EPM2A: variants seen among roughly 807,000 people sequenced by gnomAD.
EPM2A encodes the protein EPM2A glucan phosphatase, laforin.
A neutral mutation model predicts 26.5 loss-of-function variants in EPM2A; 21 were observed. The ratio of observed to expected loss-of-function variants is 0.79; its 90% CI spans 0.56 to 1.14. The LOEUF (loss-of-function observed/expected upper bound fraction) is 1.14. EPM2A is among the 50% of genes most tolerant of loss of function. The pLI is 0.00. For missense variants in EPM2A, 458 were observed against 440.8 expected (o/e 1.04, Z -0.35); for synonymous variants, 217 against 177.6 (o/e 1.22, Z -1.76).
In EPM2A at chr6:145,626,578, C is replaced by CTGGGA. The variant is rs147291746; in HGVS notation, c.*837_*838insTCCCA. On this transcript the variant is annotated 3_prime_UTR_variant, in exon 4 of 4. Transcript: ENST00000367519. ...CCTGAGAAAGACAAAACTAAATGCACTACATGATGCTGGGAAAACAAGTTG... is the reference window on the plus strand; with the variant it reads ...CCTGAGAAAGACAAAACTAAATGCACTGGGATACATGATGCTGGGAAAACAAGTTG... The CTGGGA allele has an allele frequency of 1.2e-3, 1,139 of 985,752 alleles. 30 individuals carry two copies. The East Asian group carries it at 0.066, about 57-fold the overall frequency. 61.1% of individuals were successfully genotyped at this position (985,752 alleles called of 1,614,324 possible).
At chr6:145,564,337 G>A (rs1251953852) in intron 2 of EPM2A, among the ~76,000 whole-genome samples, 1 of 152,044 alleles carries the variant, frequency 6.6e-6, no homozygotes. Context: ...AAGAAAAATT[G>A]CAGACAAAAT....
At chr6:145,412,412 CA>C (rs1285398064) in intron 4 of EPM2A, among the ~76,000 whole-genome samples, 1 of 152,038 alleles carries the variant, frequency 6.6e-6, no homozygotes, top group Non-Finnish European at 1.5e-5. Context: ...TCTGAAATGT[CA>C]ATAGGCACCT....
At chr6:145,733,505 T>C (rs150641595) in intron 1 of EPM2A, among the ~76,000 whole-genome samples, 9 of 152,088 alleles carry the variant, frequency 5.9e-5, no homozygotes, top group Admixed American at 1.3e-4. Context: ...CCTTAAGAAA[T>C]AGCAACATAA....
chr6:145,705,843 A>C (rs1234614175), intron 1 of EPM2A: 1 of 456,344 alleles, frequency 2.2e-6, no homozygotes, highest in Non-Finnish European at 4.4e-6. Context: ...TCCCCTGGGG[A>C]GAGGACATGG....
At chr6:145,463,651 T>C (rs1779353401) in intron 4 of EPM2A, among the ~76,000 whole-genome samples, 1 of 152,126 alleles carries the variant, frequency 6.6e-6, no homozygotes, top group Non-Finnish European at 1.5e-5. Flanking sequence ...ACAGTACAAA[T>C]ATACTGCAGT....
At chr6:145,548,979 A>G (rs1780619366) in intron 2 of EPM2A, among the ~76,000 whole-genome samples, 1 of 152,124 alleles carries the variant, frequency 6.6e-6, no homozygotes, top group Non-Finnish European at 1.5e-5. Flanking sequence ...GTGTGTAGCT[A>G]GTTGAATTAT....
chr6:145,396,188 C>A (rs777045442), intron 4 of EPM2A, among the ~76,000 whole-genome samples: 49 of 152,266 alleles, frequency 3.2e-4, no homozygotes, highest in Non-Finnish European at 5.9e-4. Flanking sequence ...ACAGCAAAGA[C>A]AATTACCTAA....
At chr6:145,440,721 G>C (rs1411117145) in intron 4 of EPM2A, among the ~76,000 whole-genome samples, 1 of 152,204 alleles carries the variant, frequency 6.6e-6, no homozygotes, top group Non-Finnish European at 1.5e-5. Flanking sequence ...ATCCAGTGGG[G>C]CAGTCAAATC....
chr6:145,618,529 A>C (rs946465671), intron 2 of EPM2A, among the ~76,000 whole-genome samples: 1 of 152,172 alleles, frequency 6.6e-6, no homozygotes, highest in Non-Finnish European at 1.5e-5. Flanking sequence ...GGTCATCCTC[A>C]TGTTGTTCTC....
chr6:145,386,022 T>C (rs1047940806), intron 4 of EPM2A, among the ~76,000 whole-genome samples: 8 of 152,090 alleles, frequency 5.3e-5, no homozygotes, highest in Non-Finnish European at 2.9e-5. Context: ...TTCTACTATC[T>C]TACCAGGTAC....
intron 2 of EPM2A, among the ~76,000 whole-genome samples, chr6:145,652,110 C>G (rs1050771330): frequency 6.6e-6 from 1 of 152,236 alleles, no homozygotes; most frequent in African/African-American, 2.4e-5. Flanking sequence ...AAAGCCTGTA[C>G]AGCTATTACC....
chr6:145,678,229 T>C (rs1214931523), intron 2 of EPM2A, among the ~76,000 whole-genome samples: 2 of 152,124 alleles, frequency 1.3e-5, no homozygotes, highest in South Asian at 2.1e-4. Flanking sequence ...TAGCAGTATG[T>C]AGAAAGCTGA....
intron 2 of EPM2A, among the ~76,000 whole-genome samples, chr6:145,573,734 C>A (rs1780991896): frequency 6.6e-6 from 1 of 152,174 alleles, no homozygotes; most frequent in Non-Finnish European, 1.5e-5. Context: ...GGGGGTTCTG[C>A]CAGCTGCTAA....
rs1304687011 is a variant in EPM2A, at chr6:145,680,375, A to ATTTT, written c.476+5746_476+5747insAAAA. Among the ~76,000 whole-genome samples, 193 of 87,876 alleles carry ATTTT rather than the reference A, an allele frequency of 2.2e-3. 1 individual carries two copies. Among genetic ancestry groups the ATTTT allele is most frequent in the Admixed American group, 0.014 (105 of 7,284 alleles). 57.7% of individuals were successfully genotyped at this position (87,876 alleles called of 152,430 possible). A position where few individuals can be genotyped will look rare whatever the true frequency, so the allele number is the denominator to read the frequency against. On this transcript the variant is annotated intron_variant, in intron 2 of 3. Coordinates refer to ENST00000367519, the MANE Select transcript of EPM2A (RefSeq NM_005670.4). ...CTGCGTAAGTTTCATTTATTTATTTATTTATTTATTTTATTTTATTTTATT... is the reference window on the plus strand; with the variant it reads ...CTGCGTAAGTTTCATTTATTTATTTATTTTTTTATTTATTTTATTTTATTTTATT...
chr6:145,605,718 A>C (rs988175411), intron 2 of EPM2A, among the ~76,000 whole-genome samples: 1 of 152,184 alleles, frequency 6.6e-6, no homozygotes, highest in Admixed American at 6.6e-5. Context: ...CTTGGTATCA[A>C]ATTTTATATC....
chr6:145,567,616 T>C (rs1170108730), intron 2 of EPM2A, among the ~76,000 whole-genome samples: 2 of 152,226 alleles, frequency 1.3e-5, no homozygotes, highest in Non-Finnish European at 2.9e-5. Flanking sequence ...GTAGGGATCC[T>C]GGGACATGTA....
intron 1 of EPM2A, among the ~76,000 whole-genome samples, chr6:145,703,270 T>C (rs2128626821): frequency 6.6e-6 from 1 of 152,104 alleles, no homozygotes; most frequent in Non-Finnish European, 1.5e-5. Flanking sequence ...TTTCTGTATT[T>C]TCAGGAGAGA....
At chr6:145,676,998 C>G (rs1780097508) in intron 2 of EPM2A, among the ~76,000 whole-genome samples, 1 of 152,126 alleles carries the variant, frequency 6.6e-6, no homozygotes, top group Non-Finnish European at 1.5e-5. Context: ...CATTTTAGAC[C>G]AATATCCCTG....
chr6:145,626,798 T>G lies in EPM2A; in HGVS notation c.*618A>C, dbSNP rs539582147. On this transcript the variant is annotated 3_prime_UTR_variant, in exon 4 of 4. Transcript: ENST00000367519. ...AGGAAAAACAACAACAAATGAGAGA[T>G]AATTCTACTTTAGTTGTTACACAGG... 79 of 985,958 alleles carry G rather than the reference T, an allele frequency of 8.0e-5. No individual in the cohort carries two copies. Among genetic ancestry groups the G allele is most frequent in the Non-Finnish European group, 9.3e-5 (77 of 830,418 alleles). The allele number at this position is 985,958 out of a possible 1,614,324, so 61.1% of individuals were successfully genotyped here.
Sources: gnomAD v4.1 joint callset for allele counts (sites outside exome capture counted in the v4.1 genomes callset) on GRCh38, gnomAD v4.1.1 for gene constraint, MANE v1.5 for transcripts, NCBI Gene and HGNC (gene_info 2026-07-23, HGNC 2026-07-21) for gene names.